GPC6: variants seen among roughly 807,000 people sequenced by gnomAD.
GPC6 encodes the protein glypican-6.
Under a neutral mutation model 55.2 loss-of-function variants are expected in GPC6, and 14 were observed. The ratio of observed to expected loss-of-function variants is 0.25; its 90% confidence interval spans 0.17 to 0.40. The LOEUF is 0.40. Ranked by LOEUF, GPC6 falls within the 10% of genes least tolerant of loss-of-function variation. GPC6 has a pLI of 1.00. For missense variants in GPC6, 641 were observed against 708.5 expected (o/e 0.90, Z 1.08); for synonymous variants, 278 against 259.6 (o/e 1.07, Z -0.68).
intron 2 of GPC6, among the ~76,000 whole-genome samples, chr13:93,694,108 A>G (rs1234734563): frequency 1.3e-5 from 2 of 152,204 alleles, no homozygotes; most frequent in African/African-American, 4.8e-5. Flanking sequence ...TGATTTTTCC[A>G]ATTCTCTCTC....
At chr13:93,224,197 CTTTTT>C (rs34332669), upstream of GPC6, among the ~76,000 whole-genome samples, 15 of 133,578 alleles carry the variant, frequency 1.1e-4, no homozygotes, top group South Asian at 2.5e-4. Context: ...CGCGCCCGGC[CTTTTT>C]TTTTTTTTTG....
intron 1 of GPC6, among the ~76,000 whole-genome samples, chr13:93,510,927 C>CATTT (rs1261163430): frequency 4.7e-5 from 3 of 64,272 alleles, no homozygotes; most frequent in African/African-American, 9.0e-5. Flanking sequence ...ACCTCTTGGC[C>CATTT]ATTTGTATGT....
At chr13:93,807,972 AT>A (rs1420013562) in intron 2 of GPC6, among the ~76,000 whole-genome samples, 1 of 152,198 alleles carries the variant, frequency 6.6e-6, no homozygotes, top group Admixed American at 6.5e-5. Flanking sequence ...TTTGTTTTAA[AT>A]TATGAGTCTG....
At position 94,286,423 on chromosome 13, in the gene GPC6, A is replaced by C. The variant is rs747871304; in HGVS notation, c.952A>C (p.Lys318Gln). 2 of 1,613,870 alleles carry C rather than the reference A, an allele frequency of 1.2e-6. No homozygotes were observed. The highest frequency in any genetic ancestry group is 2.2e-5 in the South Asian group (2 of 91,078). The change falls in exon 5 of 9, where the codon AAG becomes CAG. Residue 318 changes from lysine (K) to glutamine (Q), a missense_variant. Transcript: ENST00000377047. ...GTCGGTCATGGACCCGATAGATGTC[A>C]AGATTTCTGAAGCCATTATGAACAT... ...IESVMDPIDVKISEAIMNMQE... is the reference protein window; with the variant it reads ...IESVMDPIDVQISEAIMNMQE...
intron 2 of GPC6, among the ~76,000 whole-genome samples, chr13:93,567,148 C>G (rs1041376430): frequency 3.9e-5 from 6 of 152,134 alleles, no homozygotes; most frequent in Admixed American, 6.5e-5. Context: ...ACGCTGTCTT[C>G]CACAATGGTT....
chr13:93,843,162 G>A (rs1217619435), intron 3 of GPC6, among the ~76,000 whole-genome samples: 2 of 149,606 alleles, frequency 1.3e-5, no homozygotes, highest in Admixed American at 6.7e-5. Context: ...GATATATCTG[G>A]GTATCTCTTA....
intron 4 of GPC6, among the ~76,000 whole-genome samples, chr13:94,059,575 G>C (rs61962286): frequency 1.3e-5 from 2 of 151,848 alleles, no homozygotes; most frequent in South Asian, 4.2e-4. Context: ...AGTCTATTTG[G>C]TTTGCTGTAA....
chr13:94,304,316 G>A (rs1875826397), intron 5 of GPC6, among the ~76,000 whole-genome samples: 1 of 152,166 alleles, frequency 6.6e-6, no homozygotes, highest in Admixed American at 6.5e-5. Flanking sequence ...TAGCTGTAGT[G>A]GTAAAACAAA....
intron 4 of GPC6, among the ~76,000 whole-genome samples, chr13:94,165,247 T>TACATATATGTATACATATATATATAC (rs1566488743): frequency 4.7e-5 from 7 of 147,630 alleles, no homozygotes; most frequent in Non-Finnish European, 5.9e-5. Context: ...TATATATGTA[T>TACATATATGTATACATATATATATAC]ACATATATGT....
At chr13:94,151,308 T>A (rs1887731636) in intron 4 of GPC6, among the ~76,000 whole-genome samples, 1 of 152,166 alleles carries the variant, frequency 6.6e-6, no homozygotes, top group South Asian at 2.1e-4. Context: ...CTATTCTCTA[T>A]GAAAACCACA....
intron 3 of GPC6, among the ~76,000 whole-genome samples, chr13:93,910,290 T>C (rs1413277457): frequency 6.6e-6 from 1 of 152,168 alleles, no homozygotes; most frequent in Non-Finnish European, 1.5e-5. Context: ...TATCTTTCTC[T>C]TGCCCACCAC....
intron 3 of GPC6, among the ~76,000 whole-genome samples, chr13:93,888,570 A>G (rs111780933): frequency 1.9e-4 from 29 of 152,308 alleles, no homozygotes; most frequent in African/African-American, 6.7e-4. Flanking sequence ...TAGGCTGATA[A>G]TTAGACTACC....
chr13:93,500,419 A>T (rs1225280679), intron 1 of GPC6, among the ~76,000 whole-genome samples: 1 of 152,160 alleles, frequency 6.6e-6, no homozygotes, highest in African/African-American at 2.4e-5. Context: ...GAACAGTTGG[A>T]GCCGGCAAGC....
intron 2 of GPC6, among the ~76,000 whole-genome samples, chr13:93,552,367 C>G (rs1488799251): frequency 6.6e-6 from 1 of 152,072 alleles, no homozygotes; most frequent in Non-Finnish European, 1.5e-5. Context: ...AGAGAAGATC[C>G]TGGTAGGGGG....
intron 1 of GPC6, among the ~76,000 whole-genome samples, chr13:93,235,382 G>A (rs751562908): frequency 1.3e-5 from 2 of 152,142 alleles, no homozygotes; most frequent in Non-Finnish European, 2.9e-5. Flanking sequence ...GGCTTTATAT[G>A]ACAGAAAGTA....
At chr13:93,225,984 T>C (rs1337004146), upstream of GPC6, among the ~76,000 whole-genome samples, 1 of 152,228 alleles carries the variant, frequency 6.6e-6, no homozygotes, top group African/African-American at 2.4e-5. Context: ...CTTTAGTGCG[T>C]CCATTAGCAT....
chr13:94,266,816 A>G (rs1370180956), intron 4 of GPC6, among the ~76,000 whole-genome samples: 2 of 152,204 alleles, frequency 1.3e-5, no homozygotes, highest in African/African-American at 4.8e-5. Flanking sequence ...GGCTGATCAA[A>G]TGAATGAGTA....
At chr13:94,183,333 TC>T (rs919716510) in intron 4 of GPC6, among the ~76,000 whole-genome samples, 14 of 152,236 alleles carry the variant, frequency 9.2e-5, no homozygotes, top group Admixed American at 2.0e-4. Flanking sequence ...CATGCTTCTT[TC>T]ACTTAGCAAA....
At chr13:94,304,384 C>T (rs9556362) in intron 5 of GPC6, among the ~76,000 whole-genome samples, 11,674 of 152,200 alleles carry the variant, frequency 0.077, 1,009 homozygotes, top group East Asian at 0.43. Flanking sequence ...GAGCTCTCTG[C>T]GTACTTCAGT....
Sources: allele counts gnomAD v4.1 joint callset (sites outside exome capture counted in the v4.1 genomes callset), GRCh38; gene constraint gnomAD v4.1.1; transcripts MANE v1.5; gene names NCBI Gene and HGNC (gene_info 2026-07-23, HGNC 2026-07-21).